CSDE1: variants seen among roughly 807,000 people sequenced by gnomAD.
The protein encoded by CSDE1 is cold shock domain-containing protein E1.
A neutral mutation model predicts 89.3 loss-of-function variants in CSDE1; 17 were observed. That is an observed-to-expected ratio of 0.19 (90% confidence interval 0.13 to 0.29). The LOEUF (loss-of-function observed/expected upper bound fraction) is 0.29. CSDE1 is among the 10% of genes least tolerant of loss of function. The pLI is 1.00. For missense variants in CSDE1, 672 were observed against 984.2 expected, an observed-to-expected ratio of 0.68 and a Z score of 4.24; for synonymous variants, 322 against 332.8, an observed-to-expected ratio of 0.97 and a Z score of 0.35.
chr1:114,722,387 T>C lies in CSDE1; in HGVS notation c.1873+1496A>G, dbSNP rs183502086. 1.1e-4 allele frequency among the ~76,000 whole-genome samples: 16 copies of C among 152,338 alleles called. No individual in the cohort carries two copies. In the East Asian group the frequency reaches 2.9e-3, roughly 28 times the overall value. On this transcript the variant is annotated intron_variant, in intron 16 of 19. Coordinates refer to ENST00000358528, the MANE Select transcript of CSDE1 (RefSeq NM_001007553.3). ...ATTACCATTTTAAAGATGAAGAAAC[T>C]GAGCTAGCAAAGATTTAAGTTATTT... is the stretch of plus-strand genomic sequence containing the variant.
chr1:114,752,047 T>C (rs763020541), intron 1 of CSDE1, among the ~76,000 whole-genome samples: 12 of 152,116 alleles, frequency 7.9e-5, no homozygotes, highest in Non-Finnish European at 1.5e-4. Flanking sequence ...GGAGGTCTGC[T>C]TGAGCCCAGG....
intron 16 of CSDE1, among the ~76,000 whole-genome samples, chr1:114,723,079 G>T (rs538257048): frequency 3.3e-5 from 5 of 151,860 alleles, no homozygotes; most frequent in African/African-American, 1.2e-4. Context: ...GGCTGGTCAC[G>T]AACTCCTGGC....
chr1:114,725,495 G>GC (rs1303758752), intron 14 of CSDE1, among the ~76,000 whole-genome samples, 162 bp from the exon 15 acceptor site: 2 of 152,142 alleles, frequency 1.3e-5, no homozygotes, highest in African/African-American at 2.4e-5. Context: ...CCTCAAGAAT[G>GC]CCCCATGAAG....
intron 6 of CSDE1, among the ~76,000 whole-genome samples, chr1:114,735,853 C>T: frequency 6.6e-6 from 1 of 152,150 alleles, no homozygotes; most frequent in East Asian, 1.9e-4. Context: ...AATTCTACAG[C>T]TCTATATACT....
At chr1:114,727,293 T>C (rs1238180669) in intron 12 of CSDE1, among the ~76,000 whole-genome samples, 1 of 152,192 alleles carries the variant, frequency 6.6e-6, no homozygotes, top group East Asian at 1.9e-4. Context: ...TAATTTTTAA[T>C]TGGTCTTTCA....
At chr1:114,723,788 A>G (rs1659654183) in intron 16 of CSDE1, 95 bp downstream of exon 16, 2 of 1,556,814 alleles carry the variant, frequency 1.3e-6, no homozygotes, top group East Asian at 2.3e-5. Flanking sequence ...TTTAAACCTA[A>G]AAACAACTGC....
At chr1:114,727,189 G>T in intron 12 of CSDE1, 99 bp from the exon 13 acceptor site, 1 of 749,780 alleles carries the variant, frequency 1.3e-6, no homozygotes, top group Non-Finnish European at 2.2e-6. Flanking sequence ...CAAAGGATTG[G>T]TACAGCTGTA....
chr1:114,720,907 T>A (rs1227213349), intron 16 of CSDE1, among the ~76,000 whole-genome samples, 190 bp from the exon 17 acceptor site: 1 of 152,206 alleles, frequency 6.6e-6, no homozygotes, highest in Non-Finnish European at 1.5e-5. Context: ...TGGAACCAAA[T>A]GAGAATGTCA....
intron 2 of CSDE1, among the ~76,000 whole-genome samples, chr1:114,742,960 TC>T (rs912744769): frequency 4.6e-5 from 7 of 152,346 alleles, no homozygotes; most frequent in Admixed American, 3.9e-4. Context: ...TTCACATTTT[TC>T]CTATTTGTAC....
chr1:114,743,427 A>G (rs1660841442), intron 2 of CSDE1, among the ~76,000 whole-genome samples: 1 of 152,166 alleles, frequency 6.6e-6, no homozygotes, highest in Non-Finnish European at 1.5e-5. Flanking sequence ...TCCTGACCTC[A>G]AGTGATCCGG....
chr1:114,750,491 T>C (rs1019010862), intron 1 of CSDE1, among the ~76,000 whole-genome samples: 1 of 152,100 alleles, frequency 6.6e-6, no homozygotes, highest in Middle Eastern at 3.2e-3. Flanking sequence ...TTTAATTTAG[T>C]GCAAGTATTT....
intron 7 of CSDE1, 148 bp downstream of exon 7, chr1:114,734,294 G>T: frequency 9.6e-7 from 1 of 1,043,750 alleles, no homozygotes; most frequent in Middle Eastern, 2.4e-4. Context: ...TAGCAACCAA[G>T]GAATTTTAAG....
chr1:114,726,682 T>C (rs567514006), intron 13 of CSDE1, among the ~76,000 whole-genome samples: 1 of 152,228 alleles, frequency 6.6e-6, no homozygotes, highest in Non-Finnish European at 1.5e-5. Flanking sequence ...GTAAAATCTT[T>C]GGTGTGCTTT....
At chr1:114,721,666 T>A (rs1207447449) in intron 16 of CSDE1, among the ~76,000 whole-genome samples, 1 of 152,146 alleles carries the variant, frequency 6.6e-6, no homozygotes, top group East Asian at 1.9e-4. Flanking sequence ...AACGGCTCAC[T>A]GCAGCCTTGA....
chr1:114,755,796 TAC>T (rs1391595910), intron 1 of CSDE1, among the ~76,000 whole-genome samples: 1 of 152,208 alleles, frequency 6.6e-6, no homozygotes, highest in African/African-American at 2.4e-5. Flanking sequence ...CATTTTGCAA[TAC>T]AGTCCTGAAA....
intron 12 of CSDE1, among the ~76,000 whole-genome samples, chr1:114,728,907 C>T (rs1480048798): frequency 6.6e-6 from 1 of 152,206 alleles, no homozygotes; most frequent in African/African-American, 2.4e-5. Context: ...TGTACCTTCA[C>T]TTGTCTATAG....
rs1474201204 is a variant in CSDE1 at position 114,739,862 on chromosome 1, T to A, written c.29A>T (p.Asn10Ile). Reference protein sequence around the residue: MSFDPNLLHNNGHNGYPNGT... With the variant: MSFDPNLLHINGHNGYPNGT... ...ATTAGGGTACCCATTATGTCCATTG[T>A]TGTGGAGAAGGTTTGGATCAAAGCT... The change falls in exon 3 of 20, where the codon AAC becomes ATC. Residue 10 changes from asparagine to isoleucine, a missense_variant. Coordinates refer to ENST00000358528, the MANE Select transcript of CSDE1 (RefSeq NM_001007553.3). 13 of 1,613,990 alleles carry A rather than the reference T, an allele frequency of 8.1e-6. No individual in the cohort carries two copies. Among genetic ancestry groups the A allele is most frequent in the African/African-American group, 2.7e-5 (2 of 74,922 alleles).
Position 114,736,526 on chromosome 1 carries a change from T to C in CSDE1, c.500+232A>G, listed in dbSNP as rs75136021. Among the ~76,000 whole-genome samples, 56 of 152,284 alleles carry C rather than the reference T, an allele frequency of 3.7e-4. No individual in the cohort carries two copies. The East Asian group carries it at 3.9e-3, about 10-fold the overall frequency. ...TTTTTGAAAAACCTTCACTGATCTC[T>C]AGAACAAGTCCTTAAAATGCCTAAC... is the stretch of plus-strand genomic sequence containing the variant. On this transcript the variant is annotated intron_variant, in intron 6 of 19. Coordinates refer to ENST00000358528, the MANE Select transcript of CSDE1 (RefSeq NM_001007553.3).
In CSDE1 at chr1:114,725,234, G is replaced by T; in HGVS notation, c.1740C>A (p.Asn580Lys). The T allele has an allele frequency of 6.2e-7, 1 of 1,613,846 alleles. No individual in the cohort carries two copies. The highest frequency in any genetic ancestry group is 8.5e-7 in the Non-Finnish European group (1 of 1,179,768). ...ACAATTTATTACCTGAGTGTGTTTT[G>T]TTCACTTTTTCTGCACTGACTTTGT... ...KGNKVSAEKV[N>K]KTHSVNGITE... is the part of the protein sequence containing the mutation. Residue 580 changes from asparagine to lysine, a missense_variant, in exon 15 of 20, where the codon AAC (asparagine) becomes AAA (lysine). Around this residue, in one of 8 missense-constraint regions of CSDE1, gnomAD observed 206 missense variants for 332.4 expected, o/e 0.62. Coordinates refer to ENST00000358528, the MANE Select transcript of CSDE1 (RefSeq NM_001007553.3).
Sources: allele counts gnomAD v4.1 joint callset (sites outside exome capture counted in the v4.1 genomes callset), GRCh38; gene constraint gnomAD v4.1.1; regional missense constraint gnomAD v4.1.1; transcripts MANE v1.5; gene names NCBI Gene and HGNC (gene_info 2026-07-23, HGNC 2026-07-21).